The following GPC5 variants were observed in gnomAD, a reference collection of about 807,000 sequenced individuals.
GPC5 encodes the protein glypican-5.
Under a neutral mutation model 53.9 loss-of-function variants are expected in GPC5, and 47 were observed. That is an observed-to-expected ratio of 0.87 (90% CI 0.69 to 1.11). The LOEUF is 1.11. GPC5 is among the 50% of genes most tolerant of loss of function. GPC5 has a pLI of 0.00. For missense variants in GPC5, 748 were observed against 713.1 expected, an observed-to-expected ratio of 1.05 and a Z score of -0.56; for synonymous variants, 286 against 263.3, an observed-to-expected ratio of 1.09 and a Z score of -0.84.
Position 91,977,933 on chromosome 13 carries a change from G to A in GPC5, c.1401+69876G>A, listed in dbSNP as rs192141437. Among the ~76,000 whole-genome samples the A allele has an allele frequency of 4.8e-4, 69 of 142,368 alleles. 1 individual carries two copies. Among genetic ancestry groups the A allele is most frequent in the African/African-American group, 1.7e-3 (63 of 36,104 alleles). 93.4% of individuals were successfully genotyped at this position (142,368 alleles called of 152,430 possible). ...TCAAGACCAGCCTTGGAAACATAAC[G>A]AGACCGCCATCTCTAAAAGAAAAAA... On this transcript the variant is annotated intron_variant, in intron 6 of 7. Coordinates refer to ENST00000377067, the MANE Select transcript of GPC5 (RefSeq NM_004466.6).
chr13:92,829,968 T>C (rs1877995358), intron 7 of GPC5, among the ~76,000 whole-genome samples: 1 of 152,164 alleles, frequency 6.6e-6, no homozygotes, highest in Admixed American at 6.6e-5. Context: ...TTACCATTTT[T>C]GGGTCAATCC....
chr13:91,830,718 ATATATATATGTG>A (rs1336839691), intron 5 of GPC5, among the ~76,000 whole-genome samples: 6 of 146,800 alleles, frequency 4.1e-5, no homozygotes, highest in African/African-American at 1.5e-4. Flanking sequence ...CTAATAGGAT[ATATATATATGTG>A]TATATATGTA....
intron 7 of GPC5, among the ~76,000 whole-genome samples, chr13:92,324,082 G>A (rs556188593): frequency 6.6e-6 from 1 of 151,864 alleles, no homozygotes; most frequent in South Asian, 2.1e-4. Context: ...ATTTTTCTGG[G>A]TTTACTTAGT....
At chr13:92,289,966 A>C (rs1237916274) in intron 7 of GPC5, among the ~76,000 whole-genome samples, 1 of 152,096 alleles carries the variant, frequency 6.6e-6, no homozygotes, top group African/African-American at 2.4e-5. Context: ...ATTCCTTTTA[A>C]ATTGTTGAGG....
At chr13:91,515,760 A>G (rs1027235909) in intron 2 of GPC5, among the ~76,000 whole-genome samples, 5 of 95,122 alleles carry the variant, frequency 5.3e-5, no homozygotes, top group African/African-American at 1.5e-4. Context: ...CTGTACTTTT[A>G]AACAGCACTG....
At chr13:92,573,232 A>T (rs1412441250) in intron 7 of GPC5, among the ~76,000 whole-genome samples, 1 of 152,212 alleles carries the variant, frequency 6.6e-6, no homozygotes, top group Non-Finnish European at 1.5e-5. Context: ...TGTATGTGTC[A>T]GTTTCCTCAG....
chr13:92,130,847 A>C (rs1186336532), intron 6 of GPC5, among the ~76,000 whole-genome samples: 2 of 152,000 alleles, frequency 1.3e-5, no homozygotes, highest in Non-Finnish European at 2.9e-5. Flanking sequence ...ATAATGGATT[A>C]TGTAGATAAA....
At position 91,534,434 on chromosome 13, in the gene GPC5, A is replaced by G. The variant is rs1467891881; in HGVS notation, c.325+85512A>G. Among the ~76,000 whole-genome samples the G allele has an allele frequency of 2.6e-5, 4 of 152,226 alleles. No individual in the cohort carries two copies. The East Asian group carries it at 7.7e-4, about 29-fold the overall frequency. ...TAAAAGAGAAATGAAATGATTTTATAATGTAAAGTGTTTGAGCAATACTAT... is the reference window on the plus strand; with the variant it reads ...TAAAAGAGAAATGAAATGATTTTATGATGTAAAGTGTTTGAGCAATACTAT... On this transcript the variant is annotated intron_variant, in intron 2 of 7. Coordinates refer to ENST00000377067, the MANE Select transcript of GPC5 (RefSeq NM_004466.6).
intron 7 of GPC5, among the ~76,000 whole-genome samples, chr13:92,743,570 C>G (rs1388288498): frequency 6.6e-6 from 1 of 151,996 alleles, no homozygotes; most frequent in Admixed American, 6.6e-5. Flanking sequence ...AATTGAATAC[C>G]CTTTATTTCT....
intron 6 of GPC5, among the ~76,000 whole-genome samples, chr13:92,098,565 G>T (rs2041439860): frequency 1.3e-5 from 2 of 152,138 alleles, no homozygotes; most frequent in African/African-American, 4.8e-5. Flanking sequence ...ATAGAAGTTT[G>T]TAAAAGGCAG....
intron 6 of GPC5, among the ~76,000 whole-genome samples, chr13:92,029,662 A>G (rs1209528072): frequency 6.6e-6 from 1 of 152,180 alleles, no homozygotes; most frequent in Non-Finnish European, 1.5e-5. Flanking sequence ...CGATTAATGT[A>G]TAGGTTGACT....
At chr13:92,324,481 A>G (rs987496648) in intron 7 of GPC5, among the ~76,000 whole-genome samples, 3 of 151,978 alleles carry the variant, frequency 2.0e-5, no homozygotes, top group African/African-American at 7.2e-5. Context: ...CCAACATCAG[A>G]GAAAAATCCC....
At chr13:91,766,012 AAC>A (rs1286291940) in intron 5 of GPC5, among the ~76,000 whole-genome samples, 5 of 152,242 alleles carry the variant, frequency 3.3e-5, no homozygotes, top group Non-Finnish European at 7.3e-5. Context: ...AAAATATAGT[AAC>A]ACAATAAAAA....
At chr13:92,413,756 A>G (rs191916429) in intron 7 of GPC5, among the ~76,000 whole-genome samples, 1 of 152,350 alleles carries the variant, frequency 6.6e-6, no homozygotes, top group Admixed American at 6.5e-5. Flanking sequence ...AAAGGATATA[A>G]GGTACACATA....
intron 2 of GPC5, among the ~76,000 whole-genome samples, chr13:91,657,346 T>C (rs1482239965): frequency 6.6e-6 from 1 of 152,114 alleles, no homozygotes; most frequent in South Asian, 2.1e-4. Flanking sequence ...GGAAACTGGA[T>C]GGATGCTGGT....
At chr13:91,423,901 T>C (rs1279529186) in intron 1 of GPC5, among the ~76,000 whole-genome samples, 1 of 152,246 alleles carries the variant, frequency 6.6e-6, no homozygotes, top group Non-Finnish European at 1.5e-5. Flanking sequence ...GTCTATTATA[T>C]GCATACAATT....
intron 7 of GPC5, among the ~76,000 whole-genome samples, chr13:92,224,394 T>C (rs1054912996): frequency 1.1e-4 from 16 of 152,188 alleles, no homozygotes; most frequent in Non-Finnish European, 2.2e-4. Flanking sequence ...AACTTTTGGA[T>C]TTGTAACTCT....
At chr13:92,598,095 T>C (rs1883935475) in intron 7 of GPC5, among the ~76,000 whole-genome samples, 1 of 152,192 alleles carries the variant, frequency 6.6e-6, no homozygotes, top group Non-Finnish European at 1.5e-5. Context: ...TTGAACTGGA[T>C]GAGTTGTCAT....
intron 7 of GPC5, among the ~76,000 whole-genome samples, chr13:92,356,979 ACTC>A (rs1566554566): frequency 6.6e-6 from 1 of 151,572 alleles, no homozygotes; most frequent in Non-Finnish European, 1.5e-5. Flanking sequence ...TTGGTTTTCT[ACTC>A]CTGCATTAGT....
Sources: allele counts gnomAD v4.1 joint callset (sites outside exome capture counted in the v4.1 genomes callset), GRCh38; gene constraint gnomAD v4.1.1; transcripts MANE v1.5; gene names NCBI Gene and HGNC (gene_info 2026-07-23, HGNC 2026-07-21).